The following DOK6 variants were observed in gnomAD, a reference collection of about 807,000 sequenced individuals.
DOK6 encodes the protein docking protein 6.
DOK6 carries 22 observed loss-of-function variants against 44.0 expected under a neutral mutation model. That is an observed-to-expected ratio of 0.50 (90% CI 0.36 to 0.71). The LOEUF is 0.71. Among genes scored for constraint, DOK6 ranks in the 30% least tolerant of loss-of-function variants. The pLI, the probability that DOK6 is intolerant of heterozygous loss-of-function variation, is 0.00. For missense variants in DOK6, 340 were observed against 416.4 expected (o/e 0.82, Z 1.60); for synonymous variants, 166 against 145.5 (o/e 1.14, Z -1.01).
rs1006473170 is a variant in DOK6, at chr18:69,845,867, C to A, written c.*4484C>A. On this transcript the variant is annotated 3_prime_UTR_variant, in exon 8 of 8. Coordinates refer to ENST00000382713, the MANE Select transcript of DOK6 (RefSeq NM_152721.6). ...ACATTTAACAAGAAACAATGTGTAA[C>A]CAAGTCCCCACAGTAAAATGTGTCT... 2 of 152,198 alleles carry A rather than the reference C, an allele frequency of 1.3e-5. No individual in the cohort carries two copies. Among genetic ancestry groups the A allele is most frequent in the Admixed American group, 6.5e-5 (1 of 15,280 alleles). The allele number at this position is 152,198 out of a possible 1,614,324, so 9.4% of individuals were successfully genotyped here. A position where few individuals can be genotyped will look rare whatever the true frequency, so the allele number is the denominator to read the frequency against.
At chr18:69,434,983 A>G (rs9962765) in intron 1 of DOK6, among the ~76,000 whole-genome samples, 2,036 of 83,600 alleles carry the variant, frequency 0.024, 23 homozygotes, top group Non-Finnish European at 0.032. Context: ...AAGGAAGGAA[A>G]GAAGGAAGGA....
At chr18:69,653,857 C>CATAATGTTTCAAACT (rs1555720416) in intron 3 of DOK6, among the ~76,000 whole-genome samples, 2 of 151,478 alleles carry the variant, frequency 1.3e-5, no homozygotes, top group African/African-American at 4.9e-5. Context: ...ATGTTTCAAA[C>CATAATGTTTCAAACT]ATAATGTTTC....
intron 7 of DOK6, among the ~76,000 whole-genome samples, chr18:69,812,122 A>G (rs562012290): frequency 2.0e-5 from 3 of 152,282 alleles, no homozygotes; most frequent in South Asian, 4.1e-4. Flanking sequence ...CATGCCATAA[A>G]GACAAATAAA....
rs1052125532 is a variant in DOK6 at position 69,758,252 on chromosome 18, A to G, written c.856+379A>G. ...CCTTGAAAGGATTCAATATCAGTTC[A>G]GGAGGCTGACTTCAGGCTTTAAGGC... On this transcript the variant is annotated intron_variant, in intron 7 of 7. Coordinates refer to ENST00000382713, the MANE Select transcript of DOK6 (RefSeq NM_152721.6). Among the ~76,000 whole-genome samples, 7 of 152,286 alleles carry G rather than the reference A, an allele frequency of 4.6e-5. No individual in the cohort carries two copies. The East Asian group carries it at 1.4e-3, about 29-fold the overall frequency.
chr18:69,837,592 A>C (rs1982091309), intron 7 of DOK6, among the ~76,000 whole-genome samples: 1 of 151,978 alleles, frequency 6.6e-6, no homozygotes, highest in Admixed American at 6.6e-5. Context: ...AAAGTGCAAG[A>C]ATATCACCCC....
chr18:69,409,581 A>T (rs535890174), intron 1 of DOK6, among the ~76,000 whole-genome samples: 2 of 152,228 alleles, frequency 1.3e-5, no homozygotes, highest in Non-Finnish European at 2.9e-5. Context: ...CACCAGAAGA[A>T]GATGTTCATA....
At chr18:69,556,768 A>C (rs942232265) in intron 1 of DOK6, among the ~76,000 whole-genome samples, 1 of 152,242 alleles carries the variant, frequency 6.6e-6, no homozygotes, top group Non-Finnish European at 1.5e-5. Flanking sequence ...ACAGCCATTA[A>C]ATATAAGCTA....
rs573778959 is a variant in DOK6, at chr18:69,804,203, T to A, written c.857-37041T>A. ...TGGTGAATAAATATTTAGGTTCAGA[T>A]GACTTGAGGACTCTCATTGAAAAGT... On this transcript the variant is annotated intron_variant, in intron 7 of 7. Transcript: ENST00000382713. Among the ~76,000 whole-genome samples, 6 of 152,288 alleles carry A rather than the reference T, an allele frequency of 3.9e-5. No individual in the cohort carries two copies. In the East Asian group the frequency reaches 1.2e-3, roughly 29 times the overall value.
At chr18:69,478,986 A>G (rs17080978) in intron 1 of DOK6, among the ~76,000 whole-genome samples, 36,153 of 152,060 alleles carry the variant, frequency 0.24, 4,618 homozygotes, top group East Asian at 0.53. Flanking sequence ...AAATTAAGAC[A>G]TTTTCAGTAT....
intron 7 of DOK6, among the ~76,000 whole-genome samples, chr18:69,803,072 ATTTG>A (rs1980949959): frequency 6.6e-6 from 1 of 152,100 alleles, no homozygotes; most frequent in Non-Finnish European, 1.5e-5. Flanking sequence ...ATTATTAAAA[ATTTG>A]TTTGATTTTA....
intron 1 of DOK6, among the ~76,000 whole-genome samples, chr18:69,545,516 C>CAAAAAAAAAAAAAA (rs397760145): frequency 1.4e-5 from 1 of 69,578 alleles, no homozygotes; most frequent in Non-Finnish European, 3.6e-5. Flanking sequence ...AGTGAAATAC[C>CAAAAAAAAAAAAAA]AAAAAAAAAA....
intron 4 of DOK6, 65 bp from the exon 5 acceptor site, chr18:69,698,339 T>C: frequency 7.0e-7 from 1 of 1,423,254 alleles, no homozygotes; most frequent in Non-Finnish European, 9.5e-7. Flanking sequence ...CAAATTAATA[T>C]CGTATGGCCA....
At chr18:69,784,482 TA>T (rs1412000688) in intron 7 of DOK6, among the ~76,000 whole-genome samples, 1 of 151,300 alleles carries the variant, frequency 6.6e-6, no homozygotes, top group Non-Finnish European at 1.5e-5. Context: ...TAATTTAATA[TA>T]AAAATATAAA....
At position 69,602,585 on chromosome 18, in the gene DOK6, A is replaced by C. The variant is rs1983897473; in HGVS notation, c.289+3087A>C. Among the ~76,000 whole-genome samples, 3 of 152,236 alleles carry C rather than the reference A, an allele frequency of 2.0e-5. No individual in the cohort carries two copies. In the South Asian group the frequency reaches 6.2e-4, roughly 31 times the overall value. On this transcript the variant is annotated intron_variant, in intron 3 of 7. Transcript: ENST00000382713. ...AAAATGTGGTGATTAGTTAGTAAAAATTTATCAATACTAGTTCATTAATTT... is the reference window on the plus strand; with the variant it reads ...AAAATGTGGTGATTAGTTAGTAAAACTTTATCAATACTAGTTCATTAATTT...
At chr18:69,565,030 A>T (rs1982935159) in intron 2 of DOK6, among the ~76,000 whole-genome samples, 1 of 152,230 alleles carries the variant, frequency 6.6e-6, no homozygotes, top group South Asian at 2.1e-4. Flanking sequence ...CAAGAAAATG[A>T]TCATCGAATA....
At chr18:69,512,673 A>G (rs1981406642) in intron 1 of DOK6, among the ~76,000 whole-genome samples, 1 of 152,020 alleles carries the variant, frequency 6.6e-6, no homozygotes, top group Non-Finnish European at 1.5e-5. Context: ...AGCAAGAAAC[A>G]GTTCGTTTTT....
At chr18:69,720,915 A>C (rs1179692063) in intron 5 of DOK6, among the ~76,000 whole-genome samples, 1 of 152,136 alleles carries the variant, frequency 6.6e-6, no homozygotes, top group Admixed American at 6.5e-5. Context: ...ATACAACCAG[A>C]ACGGAGGGAA....
At chr18:69,544,351 A>G (rs1021855303) in intron 1 of DOK6, among the ~76,000 whole-genome samples, 7 of 151,614 alleles carry the variant, frequency 4.6e-5, no homozygotes, top group East Asian at 1.9e-4. Context: ...GCTTTCATAC[A>G]TTTTTCAAGG....
chr18:69,436,657 T>C (rs1978988314), intron 1 of DOK6, among the ~76,000 whole-genome samples: 1 of 152,200 alleles, frequency 6.6e-6, no homozygotes, highest in Admixed American at 6.5e-5. Context: ...TGATTTATAA[T>C]CCCTCGGGTA....
Sources: allele counts gnomAD v4.1 joint callset (sites outside exome capture counted in the v4.1 genomes callset), GRCh38; gene constraint gnomAD v4.1.1; transcripts MANE v1.5; gene names NCBI Gene and HGNC (gene_info 2026-07-23, HGNC 2026-07-21).